Variants in RFTN1 observed in about 807,000 individuals in gnomAD.
RFTN1 encodes the protein raftlin, lipid raft linker 1, also known as raftlin.
Under a neutral mutation model 46.5 loss-of-function variants are expected in RFTN1, and 26 were observed. The observed-to-expected ratio is 0.56, with a 90% confidence interval of 0.41 to 0.78. The LOEUF (loss-of-function observed/expected upper bound fraction) is 0.78. Ranked by LOEUF, RFTN1 falls within the 30% of genes least tolerant of loss-of-function variation. RFTN1 has a pLI of 0.00. For missense variants in RFTN1, 693 were observed against 718.7 expected, an observed-to-expected ratio of 0.96 and a Z score of 0.41; for synonymous variants, 261 against 284.2, an observed-to-expected ratio of 0.92 and a Z score of 0.82.
intron 1 of RFTN1, among the ~76,000 whole-genome samples, chr3:16,497,187 T>C (rs1287558563): frequency 2.0e-5 from 3 of 152,158 alleles, no homozygotes; most frequent in Non-Finnish European, 4.4e-5. Context: ...TCTGTATTGA[T>C]TTGTGTGCTT....
At position 16,418,225 on chromosome 3, in the gene RFTN1, C is replaced by T. The variant is rs2075120838; in HGVS notation, c.333-8742G>A. The stretch of plus-strand genomic sequence containing the variant: ...ATGCATTTTGGTCTCATGGGAAGAT[C>T]TAAAATGAGGCCACTAAAAAACAAT... On this transcript the variant is annotated intron_variant, in intron 3 of 9. Transcript: ENST00000334133. The surrounding 1 kb of genome is among the most constrained non-coding windows in gnomAD (Gnocchi z 5.0). Among the ~76,000 whole-genome samples the T allele has an allele frequency of 6.6e-6, 1 of 152,116 alleles. No homozygotes were observed. Among genetic ancestry groups the T allele is most frequent in the African/African-American group, 2.4e-5 (1 of 41,434 alleles).
chr3:16,444,524 C>G (rs988502498), intron 2 of RFTN1, among the ~76,000 whole-genome samples: 2 of 152,206 alleles, frequency 1.3e-5, no homozygotes, highest in Non-Finnish European at 2.9e-5. Context: ...TGAGAGTACT[C>G]CTGCAATGGA....
In RFTN1 at chr3:16,387,559, A is replaced by C. The variant is rs2074221070; in HGVS notation, c.442-9457T>G. ...CTACTTAGGACCACTTCTCTCTTCT[A>C]TATCCTCAATTTCTCTCTCTCTCTC... On this transcript the variant is annotated intron_variant, in intron 4 of 9. Transcript: ENST00000334133. The surrounding 1 kb of genome is among the most constrained non-coding windows in gnomAD (Gnocchi z 5.2). 3.3e-5 allele frequency among the ~76,000 whole-genome samples: 3 copies of C among 92,028 alleles called. No individual in the cohort carries two copies. The highest frequency in any genetic ancestry group is 5.2e-5 in the African/African-American group (1 of 19,232). The allele number at this position is 92,028 out of a possible 152,430, so 60.4% of individuals were successfully genotyped here. A position where few individuals can be genotyped will look rare whatever the true frequency, so the allele number is the denominator to read the frequency against.
intron 2 of RFTN1, among the ~76,000 whole-genome samples, chr3:16,435,659 C>T (rs1026785912): frequency 6.6e-6 from 1 of 152,132 alleles, no homozygotes; most frequent in Non-Finnish European, 1.5e-5. Context: ...TTCTTTTCTA[C>T]AGATCCATTG....
At position 16,387,856 on chromosome 3, in the gene RFTN1, T is replaced by C. The variant is rs2074243051; in HGVS notation, c.442-9754A>G. Among the ~76,000 whole-genome samples, 1 of 151,778 alleles carries C rather than the reference T, an allele frequency of 6.6e-6. No individual in the cohort carries two copies. The highest frequency in any genetic ancestry group is 1.5e-5 in the Non-Finnish European group (1 of 67,968). ...CTTTTTAGCCCTCACCACCCCATCC[T>C]CTCTGGTAGCTCATGCATTCCCCTC... On this transcript the variant is annotated intron_variant, in intron 4 of 9. Coordinates refer to ENST00000334133, the MANE Select transcript of RFTN1 (RefSeq NM_015150.2). This position sits in a 1 kb window ranked among gnomAD's most constrained non-coding sequence, Gnocchi z 5.2.
chr3:16,503,086 C>A (rs991849813), intron 1 of RFTN1, among the ~76,000 whole-genome samples: 1 of 152,092 alleles, frequency 6.6e-6, no homozygotes. Context: ...CACTTGCTTA[C>A]CCCCACTCCT....
chr3:16,417,156 C>T (rs979679782), intron 3 of RFTN1, among the ~76,000 whole-genome samples: 1 of 151,496 alleles, frequency 6.6e-6, no homozygotes, highest in Non-Finnish European at 1.5e-5. Flanking sequence ...ACTACAGGCA[C>T]ATGCTACCAT....
rs1282460362 is a variant in RFTN1, at chr3:16,507,317, G to T, written c.-9+6125C>A. Among the ~76,000 whole-genome samples the T allele has an allele frequency of 6.6e-6, 1 of 152,014 alleles. No individual in the cohort carries two copies. The highest frequency in any genetic ancestry group is 2.4e-5 in the African/African-American group (1 of 41,370). ...GCCACACTGAAAAGGGCACTTATAA[G>T]GTATCATAAGACACCAGAAAATCCC... On this transcript the variant is annotated intron_variant, in intron 1 of 9. Coordinates refer to ENST00000334133, the MANE Select transcript of RFTN1 (RefSeq NM_015150.2). This position sits in a 1 kb window ranked among gnomAD's most constrained non-coding sequence, Gnocchi z 7.1.
intron 2 of RFTN1, among the ~76,000 whole-genome samples, chr3:16,438,289 G>C (rs1033727700): frequency 3.3e-5 from 5 of 152,010 alleles, no homozygotes; most frequent in Admixed American, 1.3e-4. Context: ...AATATGTTTA[G>C]AAGACAGGGT....
intron 4 of RFTN1, among the ~76,000 whole-genome samples, chr3:16,401,611 T>C (rs1223557099): frequency 6.6e-6 from 1 of 152,224 alleles, no homozygotes; most frequent in Admixed American, 6.5e-5. Flanking sequence ...CCCTCTACCT[T>C]GGAAAAGTGC....
rs945608679 is a variant in RFTN1 at position 16,387,816 on chromosome 3, G to A, written c.442-9714C>T. ...ACAGCCCTCCTGTCACCTCCATGACGCCAAATCCCACAGGCTTTTTAGCCC... is the reference window on the plus strand; with the variant it reads ...ACAGCCCTCCTGTCACCTCCATGACACCAAATCCCACAGGCTTTTTAGCCC... On this transcript the variant is annotated intron_variant, in intron 4 of 9. Transcript: ENST00000334133. This position sits in a 1 kb window ranked among gnomAD's most constrained non-coding sequence, Gnocchi z 5.2. 2.0e-5 allele frequency among the ~76,000 whole-genome samples: 3 copies of A among 151,662 alleles called. No homozygotes were observed. The highest frequency in any genetic ancestry group is 4.4e-5 in the Non-Finnish European group (3 of 67,946).
rs2075663844 is a variant in RFTN1 at position 16,443,143 on chromosome 3, T to G, written c.146-9106A>C. 6.6e-6 allele frequency among the ~76,000 whole-genome samples: 1 copy of G among 152,220 alleles called. No individual in the cohort carries two copies. Among genetic ancestry groups the G allele is most frequent in the South Asian group, 2.1e-4 (1 of 4,836 alleles). On this transcript the variant is annotated intron_variant, in intron 2 of 9. Transcript: ENST00000334133. The surrounding 1 kb of genome is among the most constrained non-coding windows in gnomAD (Gnocchi z 5.5). ...TTCTATTTTTAATTTTTGATGAACC[T>G]CCATATTGTTTTCTATAATGGCTGT... is the stretch of plus-strand genomic sequence containing the variant.
intron 4 of RFTN1, among the ~76,000 whole-genome samples, chr3:16,391,786 G>T (rs2074345570): frequency 6.6e-6 from 1 of 150,400 alleles, no homozygotes; most frequent in Non-Finnish European, 1.5e-5. Flanking sequence ...TCATTTAAAA[G>T]CTGGATTGAC....
At chr3:16,437,136 A>G (rs955208294) in intron 2 of RFTN1, among the ~76,000 whole-genome samples, 8 of 152,232 alleles carry the variant, frequency 5.3e-5, no homozygotes, top group African/African-American at 1.9e-4. Flanking sequence ...CATATTTATC[A>G]GGTTTATTCC....
At position 16,383,241 on chromosome 3, in the gene RFTN1, G is replaced by GCCAA. The variant is rs1196811199; in HGVS notation, c.442-5140_442-5139insTTGG. Among the ~76,000 whole-genome samples, 4 of 152,130 alleles carry GCCAA rather than the reference G, an allele frequency of 2.6e-5. No homozygotes were observed. The highest frequency in any genetic ancestry group is 9.7e-5 in the African/African-American group (4 of 41,388). ...CTGACCTGTGCCAAGATGCCCAGGT[G>GCCAA]GATGCCTGTTTAAACTGATATACAC... On this transcript the variant is annotated intron_variant, in intron 4 of 9. Coordinates refer to ENST00000334133, the MANE Select transcript of RFTN1 (RefSeq NM_015150.2). The surrounding 1 kb of genome is among the most constrained non-coding windows in gnomAD (Gnocchi z 4.0).
chr3:16,405,553 G>T (rs2074836177), intron 4 of RFTN1, among the ~76,000 whole-genome samples: 1 of 152,192 alleles, frequency 6.6e-6, no homozygotes, highest in South Asian at 2.1e-4. Flanking sequence ...TCATGATGGA[G>T]AGAGGCATAA....
rs1022859064 is a variant in RFTN1 at position 16,449,831 on chromosome 3, C to T, written c.146-15794G>A. Among the ~76,000 whole-genome samples, 3 of 152,108 alleles carry T rather than the reference C, an allele frequency of 2.0e-5. No homozygotes were observed. The highest frequency in any genetic ancestry group is 7.2e-5 in the African/African-American group (3 of 41,422). On this transcript the variant is annotated intron_variant, in intron 2 of 9. Transcript: ENST00000334133. The surrounding 1 kb of genome is among the most constrained non-coding windows in gnomAD (Gnocchi z 5.1). ...AACTCCACTACAGGCTGCTGAAGTA[C>T]TTGTGGAAAGGGATGTGAGGAGGAA...
At chr3:16,434,543 A>T (rs187055669) in intron 2 of RFTN1, among the ~76,000 whole-genome samples, 1 of 152,172 alleles carries the variant, frequency 6.6e-6, no homozygotes, top group East Asian at 1.9e-4. Flanking sequence ...CAACAGAGCA[A>T]GCCACTGTCT....
rs3054539 is a variant in RFTN1 at position 16,387,570 on chromosome 3, T to TTCTC, written c.442-9472_442-9469dup. Among the ~76,000 whole-genome samples, 8,378 of 116,302 alleles carry TTCTC rather than the reference T, an allele frequency of 0.072. 547 individuals carry two copies. The highest frequency in any genetic ancestry group is 0.081 in the Non-Finnish European group (4,697 of 58,130). 76.3% of individuals were successfully genotyped at this position (116,302 alleles called of 152,430 possible). A position where few individuals can be genotyped will look rare whatever the true frequency, so the allele number is the denominator to read the frequency against. On this transcript the variant is annotated intron_variant, in intron 4 of 9. Transcript: ENST00000334133. The surrounding 1 kb of genome is among the most constrained non-coding windows in gnomAD (Gnocchi z 5.2). ...CACTTCTCTCTTCTATATCCTCAAT[T>TTCTC]TCTCTCTCTCTCTCTCTCTCTCTCT... is the stretch of plus-strand genomic sequence containing the variant.
Sources: allele counts gnomAD v4.1 joint callset (sites outside exome capture counted in the v4.1 genomes callset), GRCh38; gene constraint gnomAD v4.1.1; non-coding constraint Gnocchi (gnomAD v3.1); transcripts MANE v1.5; gene names NCBI Gene and HGNC (gene_info 2026-07-23, HGNC 2026-07-21).